The following BAIAP3 variants were observed in gnomAD, a reference collection of about 807,000 sequenced individuals.
BAIAP3 encodes the protein BAI1-associated protein 3.
Under a neutral mutation model 149.7 loss-of-function variants are expected in BAIAP3, and 180 were observed. The observed-to-expected ratio is 1.20, with a 90% CI of 1.07 to 1.36. The LOEUF (loss-of-function observed/expected upper bound fraction) is 1.36, where lower values mean the gene tolerates loss of function less well. BAIAP3 is among the 40% of genes most tolerant of loss of function. The pLI is 0.00. For missense variants in BAIAP3, 1,767 were observed against 1,563.4 expected (o/e 1.13, Z -2.20); for synonymous variants, 845 against 670.7 (o/e 1.26, Z -4.02).
intron 5 of BAIAP3, among the ~76,000 whole-genome samples, chr16:1,339,910 ACACAGGCTGCAGGTGCACACAGACAC>A: frequency 6.7e-6 from 1 of 148,396 alleles, no homozygotes; most frequent in Non-Finnish European, 1.5e-5. Context: ...ACAGACACGC[ACACAGGCTGCAGGTGCACACAGACAC>A]GCACACAGGC....
Position 1,348,521 on chromosome 16 carries a change from A to C in BAIAP3, c.*39A>C. 6.4e-7 allele frequency: 1 copy of C among 1,550,476 alleles called. No individual in the cohort carries two copies. The highest frequency in any genetic ancestry group is 8.8e-7 in the Non-Finnish European group (1 of 1,142,764). On this transcript the variant is annotated 3_prime_UTR_variant, in exon 34 of 34. Transcript: ENST00000426824. ...CAGCCCCGGCCCTGGCCCCCACCCC[A>C]AGTTCCCTGAAGCATCCTCCAGCTC...
chr16:1,347,875 CA>C lies in BAIAP3; in HGVS notation c.3026-18del. ...GTGGTGGGATGGGGGCAGGGGGGCTCACGACTGTGCTCCTGCAGGCTTAAGT... is the reference window on the plus strand; with the variant it reads ...GTGGTGGGATGGGGGCAGGGGGGCTCCGACTGTGCTCCTGCAGGCTTAAGT... On this transcript the variant is annotated intron_variant, in intron 31 of 33. Transcript: ENST00000426824. The C allele has an allele frequency of 6.2e-7, 1 of 1,610,118 alleles. No homozygotes were observed. Among genetic ancestry groups the C allele is most frequent in the Non-Finnish European group, 8.5e-7 (1 of 1,179,312 alleles).
chr16:1,334,007 G>A (rs1464946914), intron 1 of BAIAP3, among the ~76,000 whole-genome samples: 1 of 151,632 alleles, frequency 6.6e-6, no homozygotes, highest in African/African-American at 2.4e-5. Flanking sequence ...GTGCGGCGGT[G>A]GGGTCCGCAC....
Position 1,343,332 on chromosome 16 carries a change from T to C in BAIAP3, c.1266-61T>C, listed in dbSNP as rs1449005881. The C allele has an allele frequency of 2.6e-6, 4 of 1,552,518 alleles. No individual in the cohort carries two copies. In the Admixed American group the frequency reaches 7.6e-5, roughly 29 times the overall value. ...GAGAAAGGGGTAGTGCTGTAGGCGG[T>C]GCTGAGTGGGCATGGCAGGGGCGGG... is the stretch of plus-strand genomic sequence containing the variant. On this transcript the variant is annotated intron_variant, in intron 14 of 33. Coordinates refer to ENST00000426824, the MANE Select transcript of BAIAP3 (RefSeq NM_001199097.2).
chr16:1,339,474 G>A (rs1279249857), intron 4 of BAIAP3, 22 bp from the exon 5 acceptor site: 1 of 1,596,868 alleles, frequency 6.3e-7, no homozygotes, highest in South Asian at 1.1e-5. Flanking sequence ...CGGCACTGTG[G>A]CCGCCCTTCC....
At chr16:1,338,840 C>G in intron 2 of BAIAP3, 62 bp from the exon 3 acceptor site, 1 of 1,600,830 alleles carries the variant, frequency 6.2e-7, no homozygotes, top group South Asian at 1.1e-5. Flanking sequence ...CCCCTGGAGT[C>G]GAGGGTCCCA....
intron 1 of BAIAP3, among the ~76,000 whole-genome samples, chr16:1,335,674 A>G (rs1244435926): frequency 6.6e-6 from 1 of 152,106 alleles, no homozygotes. Flanking sequence ...AGGGGAACCA[A>G]AGGGGTTTCT....
Position 1,338,900 on chromosome 16 carries a change from A to G in BAIAP3, c.132-2A>G, listed in dbSNP as rs780040420. On this transcript the variant is annotated splice_acceptor_variant, in intron 2 of 33. Transcript: ENST00000426824. LOFTEE classifies it high-confidence loss of function. Reference sequence around the variant, plus strand: ...TGTGAGCTGACCCGGCTCTTTCTCCAGGAAACCCGGGGATGGCGTGGAGTT... The same window carrying G: ...TGTGAGCTGACCCGGCTCTTTCTCCGGGAAACCCGGGGATGGCGTGGAGTT... 6.2e-7 allele frequency: 1 copy of G among 1,612,856 alleles called. No individual in the cohort carries two copies. Among genetic ancestry groups the G allele is most frequent in the Non-Finnish European group, 8.5e-7 (1 of 1,179,938 alleles).
Position 1,347,396 on chromosome 16 carries a change from G to A in BAIAP3, c.2823+27G>A, listed in dbSNP as rs370635363. 6.9e-4 allele frequency: 1,108 copies of A among 1,611,008 alleles called. 23 individuals are homozygous for A. In the South Asian group the frequency reaches 0.012, roughly 17 times the overall value. On this transcript the variant is annotated intron_variant, in intron 29 of 33. Transcript: ENST00000426824. ...TGAGGTGGGACCCTCTGTGGGGCGG[G>A]GGTGTGGATGAGGGGACTGAGTTCA...
Position 1,346,838 on chromosome 16 carries a change from G to A in BAIAP3, c.2643-9G>A. 4 of 1,586,748 alleles carry A rather than the reference G, an allele frequency of 2.5e-6. No homozygotes were observed. The highest frequency in any genetic ancestry group is 2.7e-5 in the African/African-American group (2 of 74,700). On this transcript the variant is annotated splice_polypyrimidine_tract_variant and intron_variant, in intron 27 of 33. Transcript: ENST00000426824. ...GGGCTGGCCCGTGGTCACTGATGCT[G>A]CCCTGCAGGGTGCTGGAGGCCCTGT...
Position 1,347,584 on chromosome 16 carries a change from C to G in BAIAP3, c.2863C>G (p.Arg955Gly). 1 of 1,612,712 alleles carries G rather than the reference C, an allele frequency of 6.2e-7. No individual in the cohort carries two copies. The highest frequency in any genetic ancestry group is 8.5e-7 in the Non-Finnish European group (1 of 1,179,850). Residue 955 changes from arginine to glycine, a missense_variant, in exon 30 of 34, where the codon CGC (arginine) becomes GGC (glycine). Physicochemically the swap from Arg to Gly is moderately radical, Grantham distance 125 (BLOSUM62 -2). Transcript: ENST00000426824. The part of the protein sequence containing the change: ...EELRLHKCST[R>G]ECIEQFYLDK... ...GCTGCGGCTGCACAAATGTTCCACCCGCGAGTGCATCGAGCAGTTCTACCT... is the reference window on the plus strand; with the variant it reads ...GCTGCGGCTGCACAAATGTTCCACCGGCGAGTGCATCGAGCAGTTCTACCT...
intron 15 of BAIAP3, 149 bp downstream of exon 15, chr16:1,343,662 C>T: frequency 1.5e-6 from 2 of 1,300,896 alleles, no homozygotes; most frequent in African/African-American, 1.5e-5. Context: ...CGAGAGCCAG[C>T]GCTCTGCAGA....
chr16:1,341,331 TG>T lies in BAIAP3; in HGVS notation c.574del (p.Ala192ProfsTer38). On this transcript the variant is annotated frameshift_variant, in exon 8 of 34. Transcript: ENST00000426824. LOFTEE classifies it high-confidence loss of function. ...CATACTGCATGCTGGGCATCCTGCC[TG>T]CCTCGGACGCCACGCGGGAGCCCCG... ...DPYCMLGILPASDATREPRAQ... is the reference protein window; with the variant it reads ...DPYCMLGILPXSDATREPRAQ... The T allele has an allele frequency of 6.2e-7, 1 of 1,611,666 alleles. No homozygotes were observed. Among genetic ancestry groups the T allele is most frequent in the South Asian group, 1.1e-5 (1 of 91,036 alleles).
chr16:1,345,475 C>CTCAACCCCA, intron 22 of BAIAP3, 103 bp downstream of exon 22: 1 of 1,322,126 alleles, frequency 7.6e-7, no homozygotes. Context: ...CAGCCTCCTC[C>CTCAACCCCA]GCCTCCCCAG....
At chr16:1,343,079 G>T (rs2034039778) in intron 14 of BAIAP3, 63 bp downstream of exon 14, 6 of 1,475,804 alleles carry the variant, frequency 4.1e-6, no homozygotes, top group Non-Finnish European at 4.6e-6. Flanking sequence ...TGGGGCATCG[G>T]GGGCCATGCG....
At position 1,346,026 on chromosome 16, in the gene BAIAP3, GGAA is replaced by G. The variant is rs757587466; in HGVS notation, c.2254_2256del (p.Lys752del). On this transcript the variant is annotated inframe_deletion, in exon 24 of 34. Transcript: ENST00000426824. ...ACCCTCTTCTATACGGAGCTGCTTC[GGAA>G]GAAGGTGGACACTCAGCCAGGGGCG... is the stretch of plus-strand genomic sequence containing the variant. The G allele has an allele frequency of 6.2e-7, 1 of 1,611,524 alleles. No individual in the cohort carries two copies. Among genetic ancestry groups the G allele is most frequent in the Non-Finnish European group, 8.5e-7 (1 of 1,179,516 alleles).
Position 1,341,831 on chromosome 16 carries a change from G to T in BAIAP3, c.741G>T (p.Glu247Asp). Reference protein sequence around the residue: ...VWKEHFLFEIEDVSTDQLHLD... With the variant: ...VWKEHFLFEIDDVSTDQLHLD... The stretch of plus-strand genomic sequence containing the variant: ...TCTGTTCTCCTTGTAGCGAGATTGA[G>T]GATGTGAGCACGGACCAGCTGCACC... The change falls in exon 9 of 34, where the codon GAG becomes GAT. Residue 247 changes from glutamate to aspartate, a missense_variant. By Grantham distance (45) the Glu-to-Asp change is conservative. Transcript: ENST00000426824. 6.2e-7 allele frequency: 1 copy of T among 1,612,466 alleles called. No homozygotes were observed. Among genetic ancestry groups the T allele is most frequent in the Non-Finnish European group, 8.5e-7 (1 of 1,179,800 alleles).
At chr16:1,339,292 C>A (rs771315907) in intron 4 of BAIAP3, 48 bp downstream of exon 4, 2 of 1,542,132 alleles carry the variant, frequency 1.3e-6, no homozygotes, top group Non-Finnish European at 1.7e-6. Flanking sequence ...AGCGGCTGCT[C>A]CCTCAGCCGT....
At chr16:1,342,368 G>A in intron 11 of BAIAP3, 85 bp downstream of exon 11, 1 of 1,467,636 alleles carries the variant, frequency 6.8e-7, no homozygotes, top group South Asian at 1.2e-5. Context: ...GCACTGCCTG[G>A]AGAAGCTCCT....
Sources: allele counts gnomAD v4.1 joint callset (sites outside exome capture counted in the v4.1 genomes callset), GRCh38; gene constraint gnomAD v4.1.1; transcripts MANE v1.5; gene names NCBI Gene and HGNC (gene_info 2026-07-23, HGNC 2026-07-21).